The following GPHN variants were observed in gnomAD, a reference collection of about 807,000 sequenced individuals.
GPHN encodes the protein gephyrin.
GPHN carries 17 observed loss-of-function variants against 95.5 expected under a neutral mutation model. The ratio of observed to expected loss-of-function variants is 0.18; its 90% CI spans 0.12 to 0.27. The LOEUF is 0.27. Among genes scored for constraint, GPHN ranks in the 10% least tolerant of loss-of-function variants. The pLI is 1.00. For synonymous variants in GPHN, 320 were observed against 322.5 expected (o/e 0.99, Z 0.08); for missense variants, 660 against 978.1 (o/e 0.67, Z 4.34).
At chr14:67,080,294 A>T (rs1225292535) in intron 11 of GPHN, among the ~76,000 whole-genome samples, 1 of 151,236 alleles carries the variant, frequency 6.6e-6, no homozygotes, top group Non-Finnish European at 1.5e-5. Flanking sequence ...AGAGCTCTTT[A>T]TGTATTCTGG....
At chr14:67,711,073 C>G in the GPHN span, among the ~76,000 whole-genome samples, 6 of 152,282 alleles carry the variant, frequency 3.9e-5, no homozygotes, top group African/African-American at 9.6e-5. Context: ...TTGAGAGGAA[C>G]TTAGTTTATA....
At chr14:67,585,822 T>C in the GPHN span, 1 of 1,100,956 alleles carries the variant, frequency 9.1e-7, no homozygotes, top group Non-Finnish European at 1.3e-6. Flanking sequence ...ATATTCAAGA[T>C]GGAGATCTCC....
the GPHN span, chr14:67,204,867 C>T: frequency 6.2e-7 from 1 of 1,613,968 alleles, no homozygotes; most frequent in Non-Finnish European, 8.5e-7. Context: ...ATGTCAGGGA[C>T]AGCATAGATT....
chr14:67,656,444 C>T, the GPHN span: 3 of 1,613,402 alleles, frequency 1.9e-6, no homozygotes, highest in South Asian at 2.2e-5. Context: ...TAACTGGTCT[C>T]GTTGTTCCCC....
chr14:66,773,352 CTTTTTTTTTTTT>C (rs542180875), intron 2 of GPHN, among the ~76,000 whole-genome samples: 1 of 121,832 alleles, frequency 8.2e-6, no homozygotes, highest in Non-Finnish European at 1.7e-5. Flanking sequence ...TTGGGGAAAT[CTTTTTTTTTTTT>C]TTTTTTTGAG....
At chr14:66,701,163 C>T (rs946776109) in intron 2 of GPHN, among the ~76,000 whole-genome samples, 2 of 152,066 alleles carry the variant, frequency 1.3e-5, no homozygotes, top group Admixed American at 1.3e-4. Context: ...TGTATATATG[C>T]ATATTTACAT....
the GPHN span, among the ~76,000 whole-genome samples, chr14:67,520,851 G>T: frequency 6.6e-6 from 1 of 152,240 alleles, no homozygotes; most frequent in Non-Finnish European, 1.5e-5. Flanking sequence ...TTCCTGGATT[G>T]TGTGGTGAGA....
intron 1 of GPHN, among the ~76,000 whole-genome samples, chr14:66,517,126 CAAAAAAAA>C (rs1171024713): frequency 6.8e-4 from 21 of 31,004 alleles, no homozygotes; most frequent in East Asian, 1.6e-3. Context: ...GACTCCATCT[CAAAAAAAA>C]AAAAAAAAAA....
the GPHN span, chr14:67,726,905 A>G: frequency 7.6e-7 from 1 of 1,308,566 alleles, no homozygotes; most frequent in Non-Finnish European, 1.1e-6. Context: ...GCTAACACTG[A>G]AGTCCTCTTG....
At chr14:67,173,662 A>G (rs1173723197) in intron 21 of GPHN, among the ~76,000 whole-genome samples, 1 of 152,228 alleles carries the variant, frequency 6.6e-6, no homozygotes, top group Non-Finnish European at 1.5e-5. Flanking sequence ...GCAAGCAAAT[A>G]TAACACCGCC....
At chr14:66,877,696 C>T (rs934820587) in intron 4 of GPHN, among the ~76,000 whole-genome samples, 1 of 152,118 alleles carries the variant, frequency 6.6e-6, no homozygotes, top group Admixed American at 6.5e-5. Flanking sequence ...AGGACCTCTT[C>T]AAGGAGAACT....
chr14:67,317,291 C>T, the GPHN span: 23 of 883,692 alleles, frequency 2.6e-5, no homozygotes, highest in Non-Finnish European at 3.4e-5. Context: ...ATGGAGATCT[C>T]GTTTCTGCAA....
At chr14:66,951,768 A>G (rs1322043757) in intron 8 of GPHN, among the ~76,000 whole-genome samples, 1 of 152,164 alleles carries the variant, frequency 6.6e-6, no homozygotes, top group Non-Finnish European at 1.5e-5. Context: ...CAACACACAT[A>G]TGGTCACTTA....
chr14:66,613,725 A>G (rs1415847554), intron 1 of GPHN, among the ~76,000 whole-genome samples: 3 of 152,176 alleles, frequency 2.0e-5, no homozygotes, highest in South Asian at 2.1e-4. Flanking sequence ...CAAATGTGCA[A>G]TCTGTGAATA....
intron 9 of GPHN, among the ~76,000 whole-genome samples, chr14:66,998,314 C>A (rs2071956335): frequency 1.3e-5 from 2 of 152,088 alleles, no homozygotes; most frequent in Non-Finnish European, 2.9e-5. Context: ...AATGCCACAT[C>A]TCTGTGGTCT....
chr14:66,812,708 T>C (rs2060811083), intron 3 of GPHN, among the ~76,000 whole-genome samples: 1 of 152,204 alleles, frequency 6.6e-6, no homozygotes, highest in South Asian at 2.1e-4. Flanking sequence ...TTAGTAAATA[T>C]ATAGCATCAT....
At chr14:67,211,628 A>G in the GPHN span, among the ~76,000 whole-genome samples, 2 of 152,188 alleles carry the variant, frequency 1.3e-5, no homozygotes, top group Non-Finnish European at 2.9e-5. Flanking sequence ...GTAATATAGC[A>G]ATCAATTTAA....
chr14:67,022,091 G>A (rs2073661689), intron 9 of GPHN, among the ~76,000 whole-genome samples: 1 of 151,784 alleles, frequency 6.6e-6, no homozygotes, highest in Non-Finnish European at 1.5e-5. Context: ...TTGTCTGTTA[G>A]TGTGTGTTTC....
chr14:66,970,787 A>G (rs777648742), intron 9 of GPHN, among the ~76,000 whole-genome samples: 32 of 152,256 alleles, frequency 2.1e-4, no homozygotes, highest in Non-Finnish European at 3.5e-4. Flanking sequence ...ACATACCGTC[A>G]ACACACAACA....
Sources: gnomAD v4.1 joint callset for allele counts (sites outside exome capture counted in the v4.1 genomes callset) on GRCh38, gnomAD v4.1.1 for gene constraint, MANE v1.5 for transcripts, NCBI Gene and HGNC (gene_info 2026-07-23, HGNC 2026-07-21) for gene names.